Variants in PLD5 observed in about 807,000 individuals in gnomAD.
The protein encoded by PLD5 is inactive phospholipase D5.
PLD5 carries 36 observed loss-of-function variants against 61.1 expected under a neutral mutation model. The observed-to-expected ratio is 0.59, with a 90% CI of 0.45 to 0.78. The LOEUF (loss-of-function observed/expected upper bound fraction) is 0.78, where lower values mean the gene tolerates loss of function less well. PLD5 is among the 30% of genes least tolerant of loss of function. The probability of loss-of-function intolerance (pLI) is 0.00; values close to 1 mark genes in which losing one functional copy is unlikely to be tolerated. For missense variants in PLD5, 515 were observed against 644.4 expected (o/e 0.80, Z 2.17); for synonymous variants, 243 against 242.8 (o/e 1.00, Z -0.01).
At chr1:242,491,131 C>A (rs570997439) in intron 1 of PLD5, among the ~76,000 whole-genome samples, 28 of 152,242 alleles carry the variant, frequency 1.8e-4, no homozygotes, top group African/African-American at 6.5e-4. Flanking sequence ...AATTTCTTGG[C>A]ATCTTCTCCA....
chr1:242,158,187 G>C (rs1207891118), intron 5 of PLD5, among the ~76,000 whole-genome samples: 1 of 152,178 alleles, frequency 6.6e-6, no homozygotes, highest in Non-Finnish European at 1.5e-5. Flanking sequence ...AGGTGGATCT[G>C]AGCCTCCTGG....
chr1:242,388,279 A>G (rs142340230), intron 1 of PLD5, among the ~76,000 whole-genome samples: 1 of 152,194 alleles, frequency 6.6e-6, no homozygotes, highest in Admixed American at 6.6e-5. Flanking sequence ...AGGAAAATGT[A>G]GGAGGATGGC....
At chr1:242,328,271 C>CAT (rs1031576489) in intron 2 of PLD5, among the ~76,000 whole-genome samples, 1 of 151,856 alleles carries the variant, frequency 6.6e-6, no homozygotes, top group African/African-American at 2.4e-5. Context: ...TATACACACA[C>CAT]ATATATATTA....
At chr1:242,146,171 A>G (rs2148804338) in intron 5 of PLD5, among the ~76,000 whole-genome samples, 1 of 152,288 alleles carries the variant, frequency 6.6e-6, no homozygotes, top group African/African-American at 2.4e-5. Flanking sequence ...AAGAAGGGAA[A>G]GTGAGTTTTT....
At chr1:242,281,350 T>C (rs2149127619) in intron 3 of PLD5, among the ~76,000 whole-genome samples, 1 of 152,276 alleles carries the variant, frequency 6.6e-6, no homozygotes, top group African/African-American at 2.4e-5. Flanking sequence ...GAGTCACACA[T>C]GGATACAGCT....
At chr1:242,114,164 A>C in intron 6 of PLD5, 138 bp from the exon 7 acceptor site, 1 of 917,404 alleles carries the variant, frequency 1.1e-6, no homozygotes. Flanking sequence ...AAATTAGACA[A>C]AGATATTTTC....
intron 1 of PLD5, among the ~76,000 whole-genome samples, chr1:242,446,456 G>A (rs1356866336): frequency 7.2e-5 from 11 of 151,844 alleles, no homozygotes; most frequent in Non-Finnish European, 1.3e-4. Context: ...CTGCAGTCCC[G>A]GCTACTCAGG....
intron 1 of PLD5, among the ~76,000 whole-genome samples, chr1:242,484,768 T>G (rs1344187623): frequency 6.6e-6 from 1 of 152,142 alleles, no homozygotes; most frequent in Non-Finnish European, 1.5e-5. Context: ...AAAGAGAATT[T>G]TAGACCAATA....
intron 1 of PLD5, among the ~76,000 whole-genome samples, chr1:242,368,925 C>T (rs1343608134): frequency 1.3e-5 from 2 of 152,140 alleles, no homozygotes; most frequent in African/African-American, 4.8e-5. Context: ...TCACTATCTG[C>T]CTAAAATAAT....
chr1:242,114,147 C>T, intron 6 of PLD5, 121 bp from the exon 7 acceptor site: 1 of 1,060,780 alleles, frequency 9.4e-7, no homozygotes, highest in Non-Finnish European at 1.3e-6. Context: ...CTAATTTCTG[C>T]TTCATCAAAT....
chr1:242,099,088 TCAGA>T (rs1660480916), intron 9 of PLD5, among the ~76,000 whole-genome samples: 1 of 152,152 alleles, frequency 6.6e-6, no homozygotes, highest in South Asian at 2.1e-4. Context: ...TTCAAAGCTG[TCAGA>T]CAGGGACATT....
chr1:242,107,954 A>G (rs761365853), intron 7 of PLD5, 115 bp from the exon 8 acceptor site: 3 of 1,000,470 alleles, frequency 3.0e-6, no homozygotes, highest in Non-Finnish European at 4.2e-6. Context: ...CCTGTAATAT[A>G]TATAAGCAAC....
intron 1 of PLD5, among the ~76,000 whole-genome samples, chr1:242,513,376 C>A (rs1158609896): frequency 6.6e-6 from 1 of 152,064 alleles, no homozygotes; most frequent in Non-Finnish European, 1.5e-5. Flanking sequence ...ATTAACAGTA[C>A]CTTCTTATAA....
At chr1:242,441,302 G>T (rs531827187) in intron 1 of PLD5, among the ~76,000 whole-genome samples, 1 of 152,188 alleles carries the variant, frequency 6.6e-6, no homozygotes, top group South Asian at 2.1e-4. Context: ...TAGTAAAAAT[G>T]CTGTGTATGG....
intron 3 of PLD5, among the ~76,000 whole-genome samples, chr1:242,266,694 G>T (rs1357810738): frequency 2.6e-5 from 4 of 152,262 alleles, no homozygotes; most frequent in African/African-American, 7.2e-5. Context: ...CCCCACAGTG[G>T]CAAGGTCTTA....
rs529168476 is a variant in PLD5 at position 242,122,772 on chromosome 1, T to G, written c.933+1696A>C. ...TCTTCACATTTATGTGAATTTGTTA[T>G]TTAAGACAACTTGAACTTTGTGTTT... On this transcript the variant is annotated intron_variant, in intron 6 of 9. Transcript: ENST00000536534. Among the ~76,000 whole-genome samples, 5 of 152,394 alleles carry G rather than the reference T, an allele frequency of 3.3e-5. No individual in the cohort carries two copies. The South Asian group carries it at 1.0e-3, about 32-fold the overall frequency.
chr1:242,524,064 C>A, intron 1 of PLD5, 24 bp downstream of exon 1: 1 of 1,525,724 alleles, frequency 6.6e-7, no homozygotes, highest in Admixed American at 2.0e-5. Context: ...CTGGCCGAGG[C>A]CCCCGGGAGC....
intron 1 of PLD5, among the ~76,000 whole-genome samples, chr1:242,501,956 A>G (rs748407046): frequency 1.3e-5 from 2 of 152,118 alleles, no homozygotes; most frequent in Non-Finnish European, 2.9e-5. Context: ...TTAATAACAT[A>G]TATTGACTTG....
At chr1:242,447,248 A>G (rs190863017) in intron 1 of PLD5, among the ~76,000 whole-genome samples, 1 of 152,346 alleles carries the variant, frequency 6.6e-6, no homozygotes, top group Admixed American at 6.5e-5. Flanking sequence ...CCAGAGCCCA[A>G]GCTGGGCTGG....
Sources: gnomAD v4.1 joint callset for allele counts (sites outside exome capture counted in the v4.1 genomes callset) on GRCh38, gnomAD v4.1.1 for gene constraint, MANE v1.5 for transcripts, NCBI Gene and HGNC (gene_info 2026-07-23, HGNC 2026-07-21) for gene names.